MAX: variants seen among roughly 807,000 people sequenced by gnomAD.
MAX encodes MYC associated transcriptional regulator X, also known as protein max.
A neutral mutation model predicts 22.3 loss-of-function variants in MAX; 3 were observed. The ratio of observed to expected loss-of-function variants is 0.13; its 90% CI spans 0.06 to 0.35. The LOEUF (loss-of-function observed/expected upper bound fraction) is 0.35, where lower values mean the gene tolerates loss of function less well. Among genes scored for constraint, MAX ranks in the 10% least tolerant of loss-of-function variants. The pLI, the probability that MAX is intolerant of heterozygous loss-of-function variation, is 1.00. For missense variants in MAX, 119 were observed against 209.4 expected (o/e 0.57, Z 2.66); for synonymous variants, 72 against 77.7 (o/e 0.93, Z 0.39).
At chr14:65,087,360 G>T (rs182467445) in intron 3 of MAX, among the ~76,000 whole-genome samples, 13 of 152,300 alleles carry the variant, frequency 8.5e-5, no homozygotes, top group African/African-American at 2.6e-4. Context: ...CTTGCACTGT[G>T]CACCTGGAAA....
intron 3 of MAX, among the ~76,000 whole-genome samples, chr14:65,037,010 C>T (rs1428404515): frequency 6.6e-6 from 1 of 152,008 alleles, no homozygotes; most frequent in African/African-American, 2.4e-5. Context: ...TTTTGCTGGG[C>T]ACTCGATTTG....
At chr14:65,025,752 G>C (rs2061968473) in intron 3 of MAX, among the ~76,000 whole-genome samples, 1 of 152,170 alleles carries the variant, frequency 6.6e-6, no homozygotes, top group African/African-American at 2.4e-5. Flanking sequence ...GGAGGTTGAG[G>C]CTGCAGTGAG....
intron 2 of MAX, among the ~76,000 whole-genome samples, chr14:65,098,580 C>T (rs1313203693): frequency 1.3e-5 from 2 of 152,170 alleles, no homozygotes; most frequent in Non-Finnish European, 2.9e-5. Flanking sequence ...ATTTCCCAAA[C>T]AGAAATAAAG....
intron 3 of MAX, among the ~76,000 whole-genome samples, chr14:65,089,756 T>TAAAAAAAAAAA (rs55883101): frequency 2.8e-5 from 1 of 36,136 alleles, no homozygotes; most frequent in Non-Finnish European, 5.8e-5. Context: ...AGCATCTCTG[T>TAAAAAAAAAAA]AAAAAAAAAA....
intron 3 of MAX, chr14:65,015,809 GA>G: frequency 2.1e-6 from 3 of 1,398,224 alleles, no homozygotes; most frequent in South Asian, 2.5e-5. Context: ...GTTTGGAATG[GA>G]AAAAAACAGT....
chr14:65,091,921 A>T (rs1484225534), intron 3 of MAX: 1 of 152,218 alleles, frequency 6.6e-6, no homozygotes, highest in Non-Finnish European at 1.5e-5. Flanking sequence ...GGCATGTAGC[A>T]GACCCTCAGT....
chr14:65,053,293 G>T, intron 3 of MAX: 1 of 1,468,612 alleles, frequency 6.8e-7, no homozygotes, highest in South Asian at 1.4e-5. Context: ...CCCTGCAGGA[G>T]TACATCCTGA....
Position 65,076,697 on chromosome 14 carries a change from T to G in MAX, c.296-34A>C. On this transcript the variant is annotated intron_variant, in intron 4 of 4. Transcript: ENST00000358664. This position sits in a 1 kb window ranked among gnomAD's most constrained non-coding sequence, Gnocchi z 6.6. The stretch of plus-strand genomic sequence containing the variant: ...CAACCAAGGGAGTGTGTTACTGCCT[T>G]CTGGAGACTTGGGGAGTAACCGAGT... 6.2e-7 allele frequency: 1 copy of G among 1,614,008 alleles called. No individual in the cohort carries two copies. Among genetic ancestry groups the G allele is most frequent in the Non-Finnish European group, 8.5e-7 (1 of 1,179,904 alleles).
rs771954819 is a variant in MAX at position 65,061,322 on chromosome 14, G to A, written c.171+32386C>T. ...GCCTGCAACCGACTAGAGGACCTGG[G>A]TCCCGGCAGCTCTTTGCTCACCCAT... is the stretch of plus-strand genomic sequence containing the variant. On this transcript the variant is annotated intron_variant, in intron 3 of 3. Transcript: ENST00000341653. The A allele has an allele frequency of 1.4e-5, 22 of 1,613,246 alleles. No homozygotes were observed. In the Admixed American group the frequency reaches 1.5e-4, roughly 11 times the overall value.
Position 65,012,211 on chromosome 14 carries a change from A to ACGT in MAX, c.172-5930_172-5928dup. ...TTATCCAGTCAGTGATTGCAGGGGG[A>ACGT]CGTCCTGAAGCTGAGTGTTTACCCG... On this transcript the variant is annotated intron_variant, in intron 3 of 3. Transcript: ENST00000341653. This position sits in a 1 kb window ranked among gnomAD's most constrained non-coding sequence, Gnocchi z 5.0. The ACGT allele has an allele frequency of 7.3e-7, 1 of 1,372,438 alleles. No homozygotes were observed. The highest frequency in any genetic ancestry group is 1.0e-6 in the Non-Finnish European group (1 of 980,472). 85.0% of individuals were successfully genotyped at this position (1,372,438 alleles called of 1,614,324 possible). A position where few individuals can be genotyped will look rare whatever the true frequency, so the allele number is the denominator to read the frequency against.
chr14:65,083,680 G>C, intron 3 of MAX: 4 of 1,017,482 alleles, frequency 3.9e-6, no homozygotes, highest in Non-Finnish European at 4.7e-6. Flanking sequence ...TGTTACAGCT[G>C]TCTTGTTCCC....
chr14:65,031,466 C>T lies in MAX; in HGVS notation c.172-25182G>A, dbSNP rs1262886406. Among the ~76,000 whole-genome samples the T allele has an allele frequency of 1.3e-5, 2 of 151,102 alleles. No individual in the cohort carries two copies. Among genetic ancestry groups the T allele is most frequent in the African/African-American group, 4.8e-5 (2 of 41,268 alleles). Reference sequence around the variant, plus strand: ...CCAAGTAGTTGGGACTACGGGCACACGCCACCATGCCCAGCTAATTTTTGT... The same window carrying T: ...CCAAGTAGTTGGGACTACGGGCACATGCCACCATGCCCAGCTAATTTTTGT... On this transcript the variant is annotated intron_variant, in intron 3 of 3. Coordinates refer to the MAX transcript ENST00000341653. The surrounding 1 kb of genome is among the most constrained non-coding windows in gnomAD (Gnocchi z 4.6).
At chr14:65,100,367 T>C (rs2063797001) in intron 2 of MAX, among the ~76,000 whole-genome samples, 2 of 152,118 alleles carry the variant, frequency 1.3e-5, no homozygotes, top group African/African-American at 2.4e-5. Flanking sequence ...AGAGAATCGC[T>C]TGAACCCAGG....
At chr14:65,081,448 G>A (rs2063197455) in intron 3 of MAX, among the ~76,000 whole-genome samples, 1 of 152,196 alleles carries the variant, frequency 6.6e-6, no homozygotes. Context: ...ACAGGATGAA[G>A]GTGGGGGCAG....
At chr14:65,094,772 A>G (rs1186903024) in intron 2 of MAX, among the ~76,000 whole-genome samples, 1 of 152,250 alleles carries the variant, frequency 6.6e-6, no homozygotes, top group Non-Finnish European at 1.5e-5. Context: ...TCCCCATCAG[A>G]GGGGTCTCCC....
chr14:65,013,848 G>GTAACTACATGAGGTAGTTA (rs1235148364), intron 3 of MAX, among the ~76,000 whole-genome samples: 1 of 152,164 alleles, frequency 6.6e-6, no homozygotes, highest in Non-Finnish European at 1.5e-5. Flanking sequence ...GCGCCCAGTT[G>GTAACTACATGAGGTAGTTA]CATTCTCTTA....
chr14:65,065,590 A>G (rs2062924056), intron 3 of MAX, among the ~76,000 whole-genome samples: 1 of 152,222 alleles, frequency 6.6e-6, no homozygotes, highest in Non-Finnish European at 1.5e-5. Context: ...CACAGTGGTA[A>G]GTATTTGTGA....
intron 3 of MAX, chr14:65,006,372 T>C (rs1358969132): frequency 1.3e-6 from 2 of 1,546,644 alleles, no homozygotes; most frequent in Non-Finnish European, 1.8e-6. Flanking sequence ...AACCCAATGC[T>C]CTGACCTCAA....
chr14:65,026,735 G>A (rs117180732), intron 3 of MAX, among the ~76,000 whole-genome samples: 13,754 of 151,940 alleles, frequency 0.091, 842 homozygotes, highest in Admixed American at 0.16. Context: ...GATGGTGCAC[G>A]CCTGTAATCC....
Sources: gnomAD v4.1 joint callset for allele counts (sites outside exome capture counted in the v4.1 genomes callset) on GRCh38, gnomAD v4.1.1 for gene constraint, Gnocchi (gnomAD v3.1) non-coding constraint, MANE v1.5 for transcripts, NCBI Gene and HGNC (gene_info 2026-07-23, HGNC 2026-07-21) for gene names.